The following MARCHF8 variants were observed in gnomAD, a reference collection of about 807,000 sequenced individuals.
The protein encoded by MARCHF8 is membrane associated ring-CH-type finger 8, also known as E3 ubiquitin-protein ligase MARCHF8.
Under a neutral mutation model 51.6 loss-of-function variants are expected in MARCHF8, and 40 were observed. The observed-to-expected ratio is 0.77, with a 90% CI of 0.60 to 1.01. The LOEUF is 1.01. MARCHF8 is among the 50% of genes least tolerant of loss of function. MARCHF8 has a pLI of 0.00. For synonymous variants in MARCHF8, 263 were observed against 280.3 expected (o/e 0.94, Z 0.62); for missense variants, 685 against 708.6 (o/e 0.97, Z 0.38).
At chr10:45,578,888 G>A in intron 1 of MARCHF8, among the ~76,000 whole-genome samples, 1 of 152,180 alleles carries the variant, frequency 6.6e-6, no homozygotes, top group Non-Finnish European at 1.5e-5. Context: ...AAAGATCAAT[G>A]TCAAGAATGA....
At chr10:45,480,475 G>A (rs2042865474) in intron 3 of MARCHF8, among the ~76,000 whole-genome samples, 2 of 150,902 alleles carry the variant, frequency 1.3e-5, no homozygotes, top group South Asian at 4.2e-4. Flanking sequence ...AGAGGACTAG[G>A]AGGAAAAAAA....
intron 2 of MARCHF8, among the ~76,000 whole-genome samples, chr10:45,506,178 G>C (rs1367297776): frequency 6.6e-6 from 1 of 152,044 alleles, no homozygotes; most frequent in Non-Finnish European, 1.5e-5. Context: ...GGAGGTTGAA[G>C]ATCTAACACT....
chr10:45,560,799 CTG>C (rs981116640), intron 1 of MARCHF8, among the ~76,000 whole-genome samples: 8 of 152,190 alleles, frequency 5.3e-5, no homozygotes, highest in African/African-American at 1.7e-4. Context: ...CTCCCTAGAA[CTG>C]TGTTGGATCC....
At chr10:45,516,384 C>T (rs2043618470) in intron 2 of MARCHF8, among the ~76,000 whole-genome samples, 2 of 152,052 alleles carry the variant, frequency 1.3e-5, no homozygotes, top group Admixed American at 1.3e-4. Context: ...CTCCTGGCCT[C>T]AAGAGATCTT....
rs188120591 is a variant in MARCHF8 at position 45,493,031 on chromosome 10, C to T, written c.103-3614G>A. On this transcript the variant is annotated intron_variant, in intron 2 of 7. Coordinates refer to ENST00000453424, the MANE Select transcript of MARCHF8 (RefSeq NM_001282866.2). ...GGATTTCGAGTTTGTGGATTAGGGACGCTCAACGTGTATTACCACTGAACT... is the reference window on the plus strand; with the variant it reads ...GGATTTCGAGTTTGTGGATTAGGGATGCTCAACGTGTATTACCACTGAACT... Among the ~76,000 whole-genome samples, 184 of 152,306 alleles carry T rather than the reference C, an allele frequency of 1.2e-3. 1 individual carries two copies. Among genetic ancestry groups the T allele is most frequent in the African/African-American group, 3.8e-3 (160 of 41,568 alleles).
intron 2 of MARCHF8, among the ~76,000 whole-genome samples, chr10:45,494,996 T>C (rs1236590263): frequency 6.6e-6 from 1 of 152,082 alleles, no homozygotes; most frequent in Non-Finnish European, 1.5e-5. Context: ...GGCACATGCC[T>C]GTAATGCCAG....
chr10:45,519,006 T>A (rs530382927), intron 2 of MARCHF8, among the ~76,000 whole-genome samples: 1 of 152,214 alleles, frequency 6.6e-6, no homozygotes, highest in African/African-American at 2.4e-5. Flanking sequence ...CACCACCTTG[T>A]AAAAGCTCTA....
chr10:45,492,062 A>G (rs2043090265), intron 2 of MARCHF8, among the ~76,000 whole-genome samples: 1 of 152,242 alleles, frequency 6.6e-6, no homozygotes. Flanking sequence ...AATAAATTTG[A>G]TAATGCAAGC....
chr10:45,531,216 A>G (rs1347842617), intron 2 of MARCHF8, among the ~76,000 whole-genome samples: 1 of 152,202 alleles, frequency 6.6e-6, no homozygotes, highest in Non-Finnish European at 1.5e-5. Context: ...AGAATAGCCA[A>G]AAAGCTCCAA....
At chr10:45,587,052 T>C (rs2044626542) in intron 1 of MARCHF8, among the ~76,000 whole-genome samples, 1 of 152,172 alleles carries the variant, frequency 6.6e-6, no homozygotes, top group Non-Finnish European at 1.5e-5. Context: ...CAACAGGACA[T>C]GGACATCTGC....
intron 2 of MARCHF8, among the ~76,000 whole-genome samples, chr10:45,497,653 C>T (rs1314802420): frequency 2.6e-5 from 4 of 151,790 alleles, no homozygotes; most frequent in Admixed American, 2.0e-4. Flanking sequence ...TTCACAAATG[C>T]GGAAATTAAA....
chr10:45,459,361 C>A (rs938033094), intron 6 of MARCHF8, 94 bp from the exon 7 acceptor site: 2 of 1,340,610 alleles, frequency 1.5e-6, no homozygotes, highest in Non-Finnish European at 2.0e-6. Context: ...GGCTTTCCAC[C>A]CCACTTCTCC....
chr10:45,525,025 G>A (rs1404671304), intron 2 of MARCHF8, among the ~76,000 whole-genome samples: 1 of 152,132 alleles, frequency 6.6e-6, no homozygotes, highest in Non-Finnish European at 1.5e-5. Context: ...TATTTAAAAG[G>A]GAAGAATTTA....
At chr10:45,538,094 G>A (rs2043999202), upstream of MARCHF8, among the ~76,000 whole-genome samples, 1 of 152,126 alleles carries the variant, frequency 6.6e-6, no homozygotes, top group Non-Finnish European at 1.5e-5. Context: ...ACAAAGGGAA[G>A]CCCATCAGAC....
chr10:45,557,175 TG>T (rs1464372666), intron 1 of MARCHF8, among the ~76,000 whole-genome samples: 1 of 138,134 alleles, frequency 7.2e-6, no homozygotes, highest in Non-Finnish European at 1.5e-5. Flanking sequence ...TTGCCTGGAC[TG>T]GAGTGCAATG....
At position 45,454,742 on chromosome 10, in the gene MARCHF8, A is replaced by G. The variant is rs1298337324; in HGVS notation, c.*3497T>C. Reference sequence around the variant, plus strand: ...CATTTAGATCACTAGAAACTTTCTAAGGTAAGAAAAATTTCAAATGTGAAG... The same window carrying G: ...CATTTAGATCACTAGAAACTTTCTAGGGTAAGAAAAATTTCAAATGTGAAG... On this transcript the variant is annotated 3_prime_UTR_variant, in exon 8 of 8. Coordinates refer to ENST00000453424, the MANE Select transcript of MARCHF8 (RefSeq NM_001282866.2). 5 of 152,244 alleles carry G rather than the reference A, an allele frequency of 3.3e-5. No individual in the cohort carries two copies. Among genetic ancestry groups the G allele is most frequent in the Non-Finnish European group, 7.3e-5 (5 of 68,044 alleles). The allele number at this position is 152,244 out of a possible 1,614,324, so 9.4% of individuals were successfully genotyped here.
intron 2 of MARCHF8, among the ~76,000 whole-genome samples, chr10:45,511,588 T>C (rs1270864011): frequency 6.6e-6 from 1 of 152,240 alleles, no homozygotes; most frequent in African/African-American, 2.4e-5. Flanking sequence ...TCTTACTTTT[T>C]TGGTGGAGAC....
intron 1 of MARCHF8, among the ~76,000 whole-genome samples, chr10:45,551,885 TTTTG>T (rs1412159942): frequency 2.0e-5 from 3 of 150,950 alleles, no homozygotes; most frequent in African/African-American, 4.9e-5. Context: ...ACCCTATTGG[TTTTG>T]TTTCTTTGCA....
At chr10:45,465,154 C>T (rs1038628071) in intron 3 of MARCHF8, among the ~76,000 whole-genome samples, 4 of 152,034 alleles carry the variant, frequency 2.6e-5, no homozygotes, top group East Asian at 1.9e-4. Flanking sequence ...GCACCACCAC[C>T]GCTAGAGGGC....
Sources: gnomAD v4.1 joint callset for allele counts (sites outside exome capture counted in the v4.1 genomes callset) on GRCh38, gnomAD v4.1.1 for gene constraint, MANE v1.5 for transcripts, NCBI Gene and HGNC (gene_info 2026-07-23, HGNC 2026-07-21) for gene names.